RYR2: variants seen among roughly 807,000 people sequenced by gnomAD.
RYR2 encodes cardiac muscle ryanodine receptor-calcium release channel.
Under a neutral mutation model 601.1 loss-of-function variants are expected in RYR2, and 227 were observed. The ratio of observed to expected loss-of-function variants is 0.38; its 90% CI spans 0.34 to 0.42. The LOEUF is 0.42. RYR2 is among the 10% of genes least tolerant of loss of function. RYR2 has a pLI of 1.00. For missense variants in RYR2, 4,646 were observed against 6,156.5 expected (o/e 0.75, Z 8.21); for synonymous variants, 2,223 against 2,175.1 (o/e 1.02, Z -0.61).
At position 237,731,817 on chromosome 1, in the gene RYR2, A is replaced by G. The variant is rs147396867; in HGVS notation, c.10936-229A>G. Among the ~76,000 whole-genome samples, 715 of 152,156 alleles carry G rather than the reference A, an allele frequency of 4.7e-3. 4 individuals carry two copies. The highest frequency in any genetic ancestry group is 0.016 in the African/African-American group (677 of 41,532). ...TATTACATATTTACACTTACATGCAACACATATACATACAAGCTTTTATAT... is the reference window on the plus strand; with the variant it reads ...TATTACATATTTACACTTACATGCAGCACATATACATACAAGCTTTTATAT... On this transcript the variant is annotated intron_variant, in intron 77 of 104. Transcript: ENST00000366574.
intron 101 of RYR2, among the ~76,000 whole-genome samples, chr1:237,827,963 A>G (rs1663352262): frequency 6.6e-6 from 1 of 150,382 alleles, no homozygotes; most frequent in African/African-American, 2.5e-5. Flanking sequence ...AAAAAAAAAA[A>G]AAAGACTTGA....
chr1:237,104,692 T>C (rs939295002), intron 1 of RYR2, among the ~76,000 whole-genome samples: 2 of 152,196 alleles, frequency 1.3e-5, no homozygotes, highest in African/African-American at 4.8e-5. Context: ...TGTGTAAACC[T>C]TTCTTTCAGG....
intron 19 of RYR2, 115 bp downstream of exon 19, chr1:237,493,202 T>C (rs1028834144): frequency 8.6e-7 from 1 of 1,158,492 alleles, no homozygotes; most frequent in Non-Finnish European, 1.2e-6. Context: ...ATAGTATTAT[T>C]TTCTGTATTT....
At chr1:237,771,687 A>G (rs1290404829) in intron 85 of RYR2, among the ~76,000 whole-genome samples, 1 of 152,096 alleles carries the variant, frequency 6.6e-6, no homozygotes, top group Non-Finnish European at 1.5e-5. Flanking sequence ...TGAATAAATA[A>G]TTTCCTTCTT....
At chr1:237,781,338 C>T (rs969608780) in intron 88 of RYR2, among the ~76,000 whole-genome samples, 3 of 152,180 alleles carry the variant, frequency 2.0e-5, no homozygotes, top group Non-Finnish European at 2.9e-5. Flanking sequence ...CAGGCATGAG[C>T]CACTGCGCCC....
chr1:237,084,704 A>AT (rs1666112190), intron 1 of RYR2, among the ~76,000 whole-genome samples: 1 of 152,210 alleles, frequency 6.6e-6, no homozygotes. Context: ...TGGTTAGGGA[A>AT]TAGTCCTTTG....
intron 63 of RYR2, among the ~76,000 whole-genome samples, chr1:237,696,546 T>TTA (rs1553287577): frequency 1.3e-5 from 2 of 151,664 alleles, no homozygotes; most frequent in African/African-American, 4.9e-5. Context: ...CAGACTTTTT[T>TTA]TTTTTTTTCA....
At chr1:237,272,322 C>CAA (rs56155088) in intron 2 of RYR2, among the ~76,000 whole-genome samples, 13 of 142,142 alleles carry the variant, frequency 9.1e-5, no homozygotes, top group South Asian at 2.2e-4. Flanking sequence ...AGGATCGAAC[C>CAA]AAAAAAAAAA....
chr1:237,384,635 C>T (rs1304638094), intron 8 of RYR2, among the ~76,000 whole-genome samples: 5 of 152,184 alleles, frequency 3.3e-5, no homozygotes, highest in Admixed American at 6.5e-5. Context: ...TTGCACATAG[C>T]GCATTCACAT....
chr1:237,445,408 T>C lies in RYR2; in HGVS notation c.1178T>C (p.Met393Thr). ...RMGSIQRKAI[M>T]HHEGHMDDGI... is the part of the protein sequence containing the mutation. ...ATTTTTGCTTTCTTACAGGCTATTA[T>C]GCATCATGAAGGCCACATGGATGAT... Residue 393 changes from methionine to threonine, a missense_variant, in exon 14 of 105, where the codon ATG (methionine) becomes ACG (threonine). By Grantham distance (81) the Met-to-Thr change is moderately conservative. This residue lies in a region of RYR2 where 1,807 missense variants were observed against 2,088.1 expected (regional missense o/e 0.87). Coordinates refer to ENST00000366574, the MANE Select transcript of RYR2 (RefSeq NM_001035.3). 1.2e-6 allele frequency: 2 copies of C among 1,613,600 alleles called. No individual in the cohort carries two copies. The highest frequency in any genetic ancestry group is 1.7e-6 in the Non-Finnish European group (2 of 1,179,630).
chr1:237,260,970 G>A lies in RYR2; in HGVS notation c.49-9527G>A, dbSNP rs1343791758. Among the ~76,000 whole-genome samples, 3 of 152,070 alleles carry A rather than the reference G, an allele frequency of 2.0e-5. No individual in the cohort carries two copies. In the East Asian group the frequency reaches 5.8e-4, roughly 29 times the overall value. On this transcript the variant is annotated intron_variant, in intron 1 of 104. Transcript: ENST00000366574. ...GACTGAGTGAAAGTCCAAAAATATT[G>A]GCTTCTTTTATTTGGAATTATCTCA... is the stretch of plus-strand genomic sequence containing the variant.
intron 100 of RYR2, among the ~76,000 whole-genome samples, chr1:237,814,235 C>A (rs1347013065): frequency 6.6e-6 from 1 of 152,152 alleles, no homozygotes; most frequent in Non-Finnish European, 1.5e-5. Context: ...AACCAGCCTG[C>A]CAGCAAGAAA....
intron 12 of RYR2, among the ~76,000 whole-genome samples, chr1:237,433,577 A>G (rs112903540): frequency 1.3e-5 from 2 of 152,294 alleles, no homozygotes; most frequent in African/African-American, 4.8e-5. Flanking sequence ...GATTCACTTA[A>G]TCCCTTTGTT....
At chr1:237,388,718 T>A (rs1292696424) in intron 10 of RYR2, among the ~76,000 whole-genome samples, 1 of 152,186 alleles carries the variant, frequency 6.6e-6, no homozygotes, top group African/African-American at 2.4e-5. Flanking sequence ...ATGAATCTAC[T>A]GAGAAAAGTG....
chr1:237,309,626 C>T (rs999027905), intron 2 of RYR2, among the ~76,000 whole-genome samples: 4 of 152,246 alleles, frequency 2.6e-5, no homozygotes, highest in African/African-American at 7.2e-5. Flanking sequence ...GCACTGTGTG[C>T]CCACACTCCT....
intron 33 of RYR2, among the ~76,000 whole-genome samples, chr1:237,594,883 T>TG (rs548520318): frequency 1.5e-5 from 2 of 133,560 alleles, no homozygotes; most frequent in Admixed American, 8.0e-5. Context: ...TTAATATCAC[T>TG]GGGTTTTTTT....
chr1:237,819,968 C>G lies in RYR2; in HGVS notation c.14590+776C>G, dbSNP rs1257946130. On this transcript the variant is annotated intron_variant, in intron 101 of 104. Transcript: ENST00000366574. This position sits in a 1 kb window ranked among gnomAD's most constrained non-coding sequence, Gnocchi z 4.0. The stretch of plus-strand genomic sequence containing the variant: ...TTGAGAGACTGAGGTGGGTGGATCA[C>G]TTGAGGTCTGGAGTTCAAGACCAGC... Among the ~76,000 whole-genome samples the G allele has an allele frequency of 6.6e-6, 1 of 152,110 alleles. No individual in the cohort carries two copies. Among genetic ancestry groups the G allele is most frequent in the Non-Finnish European group, 1.5e-5 (1 of 68,030 alleles).
intron 10 of RYR2, among the ~76,000 whole-genome samples, chr1:237,400,975 G>C (rs1208842861): frequency 6.6e-6 from 1 of 152,124 alleles, no homozygotes; most frequent in African/African-American, 2.4e-5. Flanking sequence ...TGTTTGGTGG[G>C]ACCTCAAAGA....
chr1:237,141,415 C>T (rs1362286022), intron 1 of RYR2, among the ~76,000 whole-genome samples: 3 of 152,082 alleles, frequency 2.0e-5, no homozygotes, highest in Admixed American at 6.6e-5. Context: ...TGATCCAGTC[C>T]TCTGAGATCT....
Sources: allele counts gnomAD v4.1 joint callset (sites outside exome capture counted in the v4.1 genomes callset), GRCh38; gene constraint gnomAD v4.1.1; regional missense constraint gnomAD v4.1.1; non-coding constraint Gnocchi (gnomAD v3.1); transcripts MANE v1.5; gene names NCBI Gene and HGNC (gene_info 2026-07-23, HGNC 2026-07-21).